The following ZNF808 variants were observed in gnomAD, a reference collection of about 807,000 sequenced individuals.
ZNF808 encodes zinc finger protein 808.
Under a neutral mutation model 8.7 loss-of-function variants are expected in ZNF808, and 5 were observed. The ratio of observed to expected loss-of-function variants is 0.58; its 90% CI spans 0.30 to 1.21. ZNF808 has a LOEUF of 1.21. ZNF808 is among the 50% of genes most tolerant of loss of function. ZNF808 has a pLI of 0.07. For synonymous variants in ZNF808, 380 were observed against 366.0 expected (o/e 1.04, Z -0.44); for missense variants, 1,103 against 1,098.4 (o/e 1.00, Z -0.06).
At chr19:52,538,587 C>G (rs1213846078) in intron 2 of ZNF808, among the ~76,000 whole-genome samples, 2 of 148,268 alleles carry the variant, frequency 1.3e-5, no homozygotes, top group Non-Finnish European at 3.0e-5. Flanking sequence ...GAGATCGCAC[C>G]ATTGTACTTC....
rs1600055274 is a variant in ZNF808 at position 52,564,180 on chromosome 19, C to T, written c.*1285C>T. ...TTCGAATGAAAACTGGCAATAAAAT[C>T]AGGTCCAACTTTAAAAGGAGACATT... On this transcript the variant is annotated 3_prime_UTR_variant and NMD_transcript_variant, in exon 4 of 4. Coordinates refer to the ZNF808 transcript ENST00000487863. 3.8e-5 allele frequency: 29 copies of T among 767,428 alleles called. No homozygotes were observed. In the East Asian group the frequency reaches 6.8e-4, roughly 18 times the overall value. The allele number at this position is 767,428 out of a possible 1,614,324, so 47.5% of individuals were successfully genotyped here.
Position 52,555,855 on chromosome 19 carries a change from C to A in ZNF808, c.*227C>A, listed in dbSNP as rs2059831701. 1.3e-6 allele frequency: 1 copy of A among 757,054 alleles called. No individual in the cohort carries two copies. 46.9% of individuals were successfully genotyped at this position (757,054 alleles called of 1,614,324 possible). A position where few individuals can be genotyped will look rare whatever the true frequency, so the allele number is the denominator to read the frequency against. Reference sequence around the variant, plus strand: ...TCATCCTATGCAAAACAGGAGAATTCATACAGGAGAGAAACCTCACAAGTG... The same window carrying A: ...TCATCCTATGCAAAACAGGAGAATTAATACAGGAGAGAAACCTCACAAGTG... On this transcript the variant is annotated 3_prime_UTR_variant, in exon 5 of 5. Coordinates refer to ENST00000359798, the MANE Select transcript of ZNF808 (RefSeq NM_001039886.4).
intron 2 of ZNF808, among the ~76,000 whole-genome samples, chr19:52,535,820 A>C (rs2059603701): frequency 6.6e-6 from 1 of 152,040 alleles, no homozygotes; most frequent in African/African-American, 2.4e-5. Flanking sequence ...CTCACCTCCA[A>C]ACACCGAAAA....
rs2059822304 is a variant in ZNF808, at chr19:52,555,108, G to A, written c.2192G>A (p.Gly731Asp). 1 of 1,614,120 alleles carries A rather than the reference G, an allele frequency of 6.2e-7. No individual in the cohort carries two copies. The highest frequency in any genetic ancestry group is 8.5e-7 in the Non-Finnish European group (1 of 1,180,020). Residue 731 changes from glycine to aspartate, a missense_variant, in exon 5 of 5, where the codon GGT (glycine) becomes GAT (aspartate). By Grantham distance (94) the Gly-to-Asp change is moderately conservative. Coordinates refer to ENST00000359798, the MANE Select transcript of ZNF808 (RefSeq NM_001039886.4). ...SLVCHRRIHS[G>D]EKPYKCSECS... ...GTATGCCATCGTAGAATTCATAGTG[G>A]TGAGAAACCTTACAAGTGTAGTGAG...
chr19:52,560,352 T>C (rs985362069), downstream of ZNF808, among the ~76,000 whole-genome samples: 3 of 152,150 alleles, frequency 2.0e-5, no homozygotes, highest in Non-Finnish European at 4.4e-5. Context: ...AAAAACGTCA[T>C]AATTATTAAT....
At chr19:52,566,525 AT>A (rs1300400167), downstream of ZNF808, among the ~76,000 whole-genome samples, 1 of 152,176 alleles carries the variant, frequency 6.6e-6, no homozygotes, top group Non-Finnish European at 1.5e-5. Flanking sequence ...ACTTTAGCTA[AT>A]TTAAAACGCA....
downstream of ZNF808, among the ~76,000 whole-genome samples, chr19:52,567,486 T>TTTATTA (rs199989177): frequency 9.5e-3 from 352 of 37,170 alleles, 2 homozygotes; most frequent in East Asian, 0.022. Context: ...AGCTGTATTT[T>TTTATTA]TTATTATTAT....
At chr19:52,562,422 C>T (rs1297667588) in intron 3 of ZNF808, among the ~76,000 whole-genome samples, 6 of 152,000 alleles carry the variant, frequency 3.9e-5, no homozygotes, top group African/African-American at 1.4e-4. Flanking sequence ...ATAAAAGCAC[C>T]AGTCTTATTC....
intron 2 of ZNF808, among the ~76,000 whole-genome samples, chr19:52,541,629 G>A (rs1304205887): frequency 1.3e-5 from 2 of 151,946 alleles, no homozygotes; most frequent in Non-Finnish European, 2.9e-5. Flanking sequence ...TTTCTTCTGG[G>A]AGAGGTAGTG....
rs201863487 is a variant in ZNF808, at chr19:52,547,492, A to C, written c.64-20A>C. 2.2e-5 allele frequency: 35 copies of C among 1,613,108 alleles called. No individual in the cohort carries two copies. The highest frequency in any genetic ancestry group is 3.3e-5 in the Admixed American group (2 of 59,706). ...CTCAATCCTCCATAATGTTTTGTTGAAATGTATGTTTCATTTTAGGGACGC... is the reference window on the plus strand; with the variant it reads ...CTCAATCCTCCATAATGTTTTGTTGCAATGTATGTTTCATTTTAGGGACGC... On this transcript the variant is annotated intron_variant, in intron 3 of 4. Coordinates refer to ENST00000359798, the MANE Select transcript of ZNF808 (RefSeq NM_001039886.4).
intron 2 of ZNF808, among the ~76,000 whole-genome samples, chr19:52,538,313 C>T (rs1176794161): frequency 7.0e-5 from 9 of 129,254 alleles, no homozygotes; most frequent in South Asian, 2.4e-4. Context: ...TGAGCCACCG[C>T]GCCCGGCCTA....
chr19:52,528,258 C>T (rs2059528592), intron 1 of ZNF808, among the ~76,000 whole-genome samples: 1 of 152,178 alleles, frequency 6.6e-6, no homozygotes, highest in South Asian at 2.1e-4. Context: ...CTGGGAAGGA[C>T]GCAGGGCCCT....
intron 1 of ZNF808, among the ~76,000 whole-genome samples, chr19:52,529,593 A>G (rs191126362): frequency 1.8e-4 from 28 of 152,332 alleles, no homozygotes; most frequent in African/African-American, 6.5e-4. Context: ...TGGAATCCCT[A>G]TTCAACCAGA....
chr19:52,540,053 C>T (rs1202170246), intron 2 of ZNF808, among the ~76,000 whole-genome samples: 1 of 151,930 alleles, frequency 6.6e-6, no homozygotes. Flanking sequence ...TCTCTGTCAC[C>T]CACTCTGGAG....
chr19:52,532,832 G>C (rs936553561), intron 1 of ZNF808, 76 bp from the exon 2 acceptor site: 7 of 155,930 alleles, frequency 4.5e-5, no homozygotes, highest in African/African-American at 1.7e-4. Flanking sequence ...ATTGTTTTTT[G>C]TGTCATATTT....
chr19:52,539,009 A>G lies in ZNF808; in HGVS notation c.-19-4257A>G, dbSNP rs148107392. Among the ~76,000 whole-genome samples, 622 of 150,966 alleles carry G rather than the reference A, an allele frequency of 4.1e-3. 6 individuals are homozygous for G. The highest frequency in any genetic ancestry group is 0.015 in the African/African-American group (588 of 40,392). Reference sequence around the variant, plus strand: ...CAGCCAGAGGACAGTGACTTGACTCATTCGTTGTGGATCACCCTCTTCCCT... The same window carrying G: ...CAGCCAGAGGACAGTGACTTGACTCGTTCGTTGTGGATCACCCTCTTCCCT... On this transcript the variant is annotated intron_variant, in intron 2 of 4. Transcript: ENST00000359798.
chr19:52,554,224 C>G lies in ZNF808; in HGVS notation c.1308C>G (p.Phe436Leu). The G allele has an allele frequency of 6.2e-7, 1 of 1,613,034 alleles. No individual in the cohort carries two copies. Among genetic ancestry groups the G allele is most frequent in the Non-Finnish European group, 8.5e-7 (1 of 1,179,498 alleles). ...PYKCEECDKV[F>L]SQKSTLERHK... Reference sequence around the variant, plus strand: ...AATGTGAAGAATGTGACAAAGTTTTCAGTCAGAAATCAACCCTTGAGAGAC... The same window carrying G: ...AATGTGAAGAATGTGACAAAGTTTTGAGTCAGAAATCAACCCTTGAGAGAC... The change falls in exon 5 of 5, where the codon TTC becomes TTG. Residue 436 changes from phenylalanine (F) to leucine (L), a missense_variant. Coordinates refer to ENST00000359798, the MANE Select transcript of ZNF808 (RefSeq NM_001039886.4).
At chr19:52,547,442 T>C (rs1412428802) in intron 3 of ZNF808, 70 bp from the exon 4 acceptor site, 7 of 1,604,440 alleles carry the variant, frequency 4.4e-6, no homozygotes, top group Non-Finnish European at 5.1e-6. Flanking sequence ...ATTTTCCCTT[T>C]TCTCATTTCC....
chr19:52,537,299 G>A (rs1258312715), intron 2 of ZNF808, among the ~76,000 whole-genome samples: 2 of 151,908 alleles, frequency 1.3e-5, no homozygotes, highest in Non-Finnish European at 2.9e-5. Flanking sequence ...AAAATGAGGA[G>A]CACAATCCCA....
Sources: gnomAD v4.1 joint callset for allele counts (sites outside exome capture counted in the v4.1 genomes callset) on GRCh38, gnomAD v4.1.1 for gene constraint, MANE v1.5 for transcripts, NCBI Gene and HGNC (gene_info 2026-07-23, HGNC 2026-07-21) for gene names.